Variants in VPS13D observed in about 807,000 individuals in gnomAD.
VPS13D encodes intermembrane lipid transfer protein VPS13D.
Under a neutral mutation model 461.9 loss-of-function variants are expected in VPS13D, and 187 were observed. The ratio of observed to expected loss-of-function variants is 0.40; its 90% confidence interval spans 0.36 to 0.46. The LOEUF is 0.46. Among genes scored for constraint, VPS13D ranks in the 20% least tolerant of loss-of-function variants. The pLI is 0.60. For synonymous variants in VPS13D, 1,951 were observed against 1,986.3 expected (o/e 0.98, Z 0.47); for missense variants, 4,711 against 5,364.9 (o/e 0.88, Z 3.81).
chr1:12,505,265 C>G lies in VPS13D; in HGVS notation c.12795-1588C>G, dbSNP rs1646090195. Among the ~76,000 whole-genome samples the G allele has an allele frequency of 6.6e-6, 1 of 152,204 alleles. No individual in the cohort carries two copies. Among genetic ancestry groups the G allele is most frequent in the Admixed American group, 6.5e-5 (1 of 15,288 alleles). On this transcript the variant is annotated intron_variant, in intron 68 of 69. Transcript: ENST00000620676. The surrounding 1 kb of genome is among the most constrained non-coding windows in gnomAD (Gnocchi z 4.2). ...GTCTTTCTGTCTTTCCCTGTGCCCT[C>G]CTTTCTTCCCCGGACCAGCTATTTC...
chr1:12,501,468 A>C (rs1275300974), intron 68 of VPS13D, among the ~76,000 whole-genome samples: 2 of 152,216 alleles, frequency 1.3e-5, no homozygotes, highest in Admixed American at 1.3e-4. Flanking sequence ...ACTCTGATAA[A>C]GTTAAAGGTT....
At chr1:12,368,361 T>C in intron 52 of VPS13D, 107 bp from the exon 53 acceptor site, 1 of 1,366,246 alleles carries the variant, frequency 7.3e-7, no homozygotes, top group Non-Finnish European at 9.8e-7. Context: ...TCAGTGGTAT[T>C]GACTGAGGCC....
intron 67 of VPS13D, among the ~76,000 whole-genome samples, chr1:12,478,169 C>G (rs776601671): frequency 1.1e-4 from 16 of 152,248 alleles, no homozygotes; most frequent in Non-Finnish European, 2.1e-4. Flanking sequence ...GAACTCTTTT[C>G]ACTTCAGTCA....
At chr1:12,251,770 C>T (rs1405674616) in intron 6 of VPS13D, among the ~76,000 whole-genome samples, 1 of 152,210 alleles carries the variant, frequency 6.6e-6, no homozygotes, top group Non-Finnish European at 1.5e-5. Context: ...AGCAGCTCCG[C>T]ATCACCTAAG....
At chr1:12,246,535 A>G (rs1640555956) in intron 5 of VPS13D, among the ~76,000 whole-genome samples, 1 of 152,188 alleles carries the variant, frequency 6.6e-6, no homozygotes, top group Non-Finnish European at 1.5e-5. Flanking sequence ...TCTTGTCCCA[A>G]GCCTTTCAGA....
Position 12,266,895 on chromosome 1 carries a change from G to A in VPS13D, c.1609G>A (p.Ala537Thr). 1 of 1,595,724 alleles carries A rather than the reference G, an allele frequency of 6.3e-7. No homozygotes were observed. The highest frequency in any genetic ancestry group is 8.5e-7 in the Non-Finnish European group (1 of 1,172,986). ...QLEFSDVKLL[A>T]ESLPRRNSSL... The stretch of plus-strand genomic sequence containing the variant: ...ATCTTTTATAGATGTAAAACTTCTA[G>A]CAGAGTCTCTTCCTCGAAGAAATTC... The change falls in exon 14 of 70, where the codon GCA becomes ACA. Residue 537 changes from alanine (A) to threonine (T), a missense_variant. Around this residue, in one of 3 missense-constraint regions of VPS13D, gnomAD observed 4,411 missense variants for 4,937.8 expected, o/e 0.89. Coordinates refer to ENST00000620676, the MANE Select transcript of VPS13D (RefSeq NM_015378.4).
intron 65 of VPS13D, among the ~76,000 whole-genome samples, chr1:12,444,636 T>A (rs1645171011): frequency 6.6e-6 from 1 of 152,218 alleles, no homozygotes; most frequent in Non-Finnish European, 1.5e-5. Context: ...GTTTGCTAAT[T>A]CTGTCGACTC....
chr1:12,340,847 T>A (rs1259672800), intron 40 of VPS13D, among the ~76,000 whole-genome samples: 1 of 152,224 alleles, frequency 6.6e-6, no homozygotes, highest in Non-Finnish European at 1.5e-5. Context: ...TTGCTGCTGC[T>A]GCCTCCCTAT....
intron 68 of VPS13D, among the ~76,000 whole-genome samples, chr1:12,498,387 G>A (rs1645989131): frequency 6.6e-6 from 1 of 152,170 alleles, no homozygotes; most frequent in Admixed American, 6.5e-5. Context: ...GTGGAGGAAT[G>A]TCTGAAATAG....
At chr1:12,456,674 A>G (rs1465862842) in intron 66 of VPS13D, among the ~76,000 whole-genome samples, 2 of 151,430 alleles carry the variant, frequency 1.3e-5, no homozygotes, top group African/African-American at 4.9e-5. Context: ...AAGGCTGACA[A>G]CAGAGGAAAT....
At chr1:12,428,428 C>T (rs1365073803) in intron 65 of VPS13D, among the ~76,000 whole-genome samples, 1 of 152,202 alleles carries the variant, frequency 6.6e-6, no homozygotes, top group Non-Finnish European at 1.5e-5. Context: ...TCTAGTTAGG[C>T]ACATAAGGAT....
intron 24 of VPS13D, among the ~76,000 whole-genome samples, chr1:12,298,686 T>G (rs578256869): frequency 5.3e-5 from 8 of 152,136 alleles, no homozygotes; most frequent in Non-Finnish European, 1.0e-4. Context: ...GGTGCAGTCA[T>G]ATTCTATAAA....
chr1:12,236,683 G>A (rs1414545640), intron 2 of VPS13D, among the ~76,000 whole-genome samples: 3 of 152,080 alleles, frequency 2.0e-5, no homozygotes, highest in Admixed American at 6.6e-5. Flanking sequence ...GCACCCGGCC[G>A]AGAATGTCAT....
intron 2 of VPS13D, among the ~76,000 whole-genome samples, chr1:12,235,096 G>C (rs1640102124): frequency 6.6e-6 from 1 of 152,226 alleles, no homozygotes; most frequent in South Asian, 2.1e-4. Flanking sequence ...ACGTAGGGAA[G>C]AGAAGAAAGT....
At chr1:12,261,183 C>G in intron 12 of VPS13D, 34 bp downstream of exon 12, 1 of 1,608,892 alleles carries the variant, frequency 6.2e-7, no homozygotes, top group Non-Finnish European at 8.5e-7. Flanking sequence ...TTGATTCAAA[C>G]AAATTCGTCT....
chr1:12,364,732 T>A (rs2101618860), intron 52 of VPS13D, among the ~76,000 whole-genome samples: 1 of 152,376 alleles, frequency 6.6e-6, no homozygotes, highest in East Asian at 1.9e-4. Context: ...GTTTAGATTC[T>A]TATTTCCTTA....
rs1642350662 is a variant in VPS13D, at chr1:12,299,002, G to C, written c.6034-200G>C. On this transcript the variant is annotated intron_variant, in intron 24 of 69. Coordinates refer to ENST00000620676, the MANE Select transcript of VPS13D (RefSeq NM_015378.4). The surrounding 1 kb of genome is among the most constrained non-coding windows in gnomAD (Gnocchi z 4.2). The stretch of plus-strand genomic sequence containing the variant: ...CCTAGGGGTTATTTAGAAGTGTGTA[G>C]TTTACTTTCCAAATATTTGGGGATT... Among the ~76,000 whole-genome samples the C allele has an allele frequency of 6.6e-6, 1 of 152,118 alleles. No homozygotes were observed. Among genetic ancestry groups the C allele is most frequent in the South Asian group, 2.1e-4 (1 of 4,820 alleles).
At chr1:12,256,296 C>A in intron 7 of VPS13D, 37 bp from the exon 8 acceptor site, 1 of 1,591,080 alleles carries the variant, frequency 6.3e-7, no homozygotes, top group Non-Finnish European at 8.6e-7. Context: ...AGAAGGAAAG[C>A]CATTCGGAGC....
At chr1:12,496,484 CT>C (rs1460556481) in intron 67 of VPS13D, among the ~76,000 whole-genome samples, 2 of 152,238 alleles carry the variant, frequency 1.3e-5, no homozygotes, top group Non-Finnish European at 2.9e-5. Flanking sequence ...ATGCTGCTTA[CT>C]GTTAGTTCCT....
Sources: gnomAD v4.1 joint callset for allele counts (sites outside exome capture counted in the v4.1 genomes callset) on GRCh38, gnomAD v4.1.1 for gene constraint, gnomAD v4.1.1 regional missense constraint, Gnocchi (gnomAD v3.1) non-coding constraint, MANE v1.5 for transcripts, NCBI Gene and HGNC (gene_info 2026-07-23, HGNC 2026-07-21) for gene names.